PLXNA4: variants seen among roughly 807,000 people sequenced by gnomAD.
PLXNA4 encodes plexin A4, also known as plexin-A4.
A neutral mutation model predicts 191.8 loss-of-function variants in PLXNA4; 44 were observed. The observed-to-expected ratio is 0.23, with a 90% CI of 0.18 to 0.29. The LOEUF is 0.29. Among genes scored for constraint, PLXNA4 ranks in the 10% least tolerant of loss-of-function variants. The pLI, the probability that PLXNA4 is intolerant of heterozygous loss-of-function variation, is 1.00. For synonymous variants in PLXNA4, 1,082 were observed against 1,009.5 expected, an observed-to-expected ratio of 1.07 and a Z score of -1.36; for missense variants, 1,800 against 2,488.8, an observed-to-expected ratio of 0.72 and a Z score of 5.89.
chr7:132,207,174 T>G (rs909756602), intron 10 of PLXNA4, among the ~76,000 whole-genome samples: 4 of 152,194 alleles, frequency 2.6e-5, no homozygotes, highest in African/African-American at 9.7e-5. Flanking sequence ...TGTGTCCATC[T>G]CTAGTCCAGA....
At chr7:132,489,838 G>T (rs1169716406) in intron 2 of PLXNA4, among the ~76,000 whole-genome samples, 1 of 152,222 alleles carries the variant, frequency 6.6e-6, no homozygotes, top group Non-Finnish European at 1.5e-5. Context: ...GGTCAGCCCA[G>T]ATGAGCAGGG....
chr7:132,225,937 C>A (rs938791618), intron 8 of PLXNA4, among the ~76,000 whole-genome samples: 2 of 152,158 alleles, frequency 1.3e-5, no homozygotes, highest in Non-Finnish European at 2.9e-5. Context: ...CTCTTCTAGT[C>A]TCTTTCCATT....
chr7:132,521,431 T>C (rs1799179199), intron 1 of PLXNA4, among the ~76,000 whole-genome samples: 1 of 152,186 alleles, frequency 6.6e-6, no homozygotes, highest in Admixed American at 6.5e-5. Flanking sequence ...TTGGTCCCAC[T>C]CATTCCTTAC....
chr7:132,488,538 G>A (rs1048207049), intron 3 of PLXNA4, among the ~76,000 whole-genome samples: 2 of 152,154 alleles, frequency 1.3e-5, no homozygotes, highest in Admixed American at 1.3e-4. Context: ...AGGACCTCCT[G>A]CCTACCACCT....
At chr7:132,186,164 G>C (rs1343613009) in intron 15 of PLXNA4, among the ~76,000 whole-genome samples, 1 of 152,150 alleles carries the variant, frequency 6.6e-6, no homozygotes, top group Non-Finnish European at 1.5e-5. Context: ...ACATTGCCTA[G>C]AGTCCTTCAC....
In PLXNA4 at chr7:132,450,768, TTCTC is replaced by T. The variant is rs565251745; in HGVS notation, c.1371+38520_1371+38523del. Among the ~76,000 whole-genome samples the T allele has an allele frequency of 2.2e-3, 330 of 152,288 alleles. 1 individual carries two copies. The highest frequency in any genetic ancestry group is 7.4e-3 in the African/African-American group (307 of 41,550). On this transcript the variant is annotated intron_variant, in intron 3 of 31. Transcript: ENST00000321063. ...CCTTAGTGGGCCTCTTCAGCCCTCTTTCTCTCTGAGATTCTGGAGTATTTCTGTA... is the reference window on the plus strand; with the variant it reads ...CCTTAGTGGGCCTCTTCAGCCCTCTTTCTGAGATTCTGGAGTATTTCTGTA...
Position 132,168,477 on chromosome 7 carries a change from C to A in PLXNA4, c.4113G>T (p.Thr1371=). 2 of 1,613,846 alleles carry A rather than the reference C, an allele frequency of 1.2e-6. No homozygotes were observed. Among genetic ancestry groups the A allele is most frequent in the East Asian group, 2.2e-5 (1 of 44,856 alleles). The change falls in exon 22 of 32, where the codon ACG becomes ACT. Residue 1371 remains threonine (T), a synonymous_variant. Transcript: ENST00000321063. The part of the protein sequence containing the change: ...NKVFLLSFIR[T]LESQRSFSMR... ...TGGAGAAGCTACGCTGGGACTCAAG[C>A]GTGCGGATGAAGGACAGCAGGAACA...
intron 2 of PLXNA4, among the ~76,000 whole-genome samples, chr7:132,603,553 T>C (rs1802861140): frequency 6.6e-6 from 1 of 152,212 alleles, no homozygotes; most frequent in Non-Finnish European, 1.5e-5. Context: ...ACCAGCTTTT[T>C]TGACCACCTG....
At chr7:132,264,459 T>C (rs1239534827) in intron 4 of PLXNA4, among the ~76,000 whole-genome samples, 1 of 151,118 alleles carries the variant, frequency 6.6e-6, no homozygotes, top group Non-Finnish European at 1.5e-5. Flanking sequence ...ACCTCACTCT[T>C]TTTTTTTCTG....
chr7:132,299,970 G>T (rs976818895), intron 3 of PLXNA4, among the ~76,000 whole-genome samples: 2 of 152,180 alleles, frequency 1.3e-5, no homozygotes, highest in East Asian at 1.9e-4. Context: ...ACCAGGGCAG[G>T]TCAAACACAG....
chr7:132,331,153 A>AATT (rs1235900551), intron 3 of PLXNA4, among the ~76,000 whole-genome samples: 2 of 152,228 alleles, frequency 1.3e-5, no homozygotes, highest in African/African-American at 4.8e-5. Flanking sequence ...TAACAGCAGG[A>AATT]ATTAATACAA....
chr7:132,640,393 A>T (rs191014797), intron 2 of PLXNA4, among the ~76,000 whole-genome samples: 2 of 152,346 alleles, frequency 1.3e-5, no homozygotes, highest in East Asian at 3.9e-4. Context: ...TTGAGGCCCT[A>T]AGCCCAATGT....
intron 1 of PLXNA4, among the ~76,000 whole-genome samples, chr7:132,541,921 T>C (rs1250098470): frequency 6.6e-6 from 1 of 152,216 alleles, no homozygotes; most frequent in Non-Finnish European, 1.5e-5. Flanking sequence ...ACACCTACTA[T>C]GCATGAGTAA....
At chr7:132,438,768 TG>T (rs1795574337) in intron 3 of PLXNA4, among the ~76,000 whole-genome samples, 1 of 152,222 alleles carries the variant, frequency 6.6e-6, no homozygotes, top group Non-Finnish European at 1.5e-5. Flanking sequence ...TGCTTAATAT[TG>T]ACAATTCTGT....
At chr7:132,275,930 A>G (rs1223187852) in intron 4 of PLXNA4, among the ~76,000 whole-genome samples, 1 of 152,056 alleles carries the variant, frequency 6.6e-6, no homozygotes, top group Non-Finnish European at 1.5e-5. Flanking sequence ...CTCTGTCTAG[A>G]GTGTTCTCCT....
At chr7:132,268,707 G>A (rs1799946878) in intron 4 of PLXNA4, among the ~76,000 whole-genome samples, 1 of 152,212 alleles carries the variant, frequency 6.6e-6, no homozygotes, top group Non-Finnish European at 1.5e-5. Context: ...CCTCCAGGAG[G>A]AGGAAGGCTG....
chr7:132,130,618 C>T, intron 31 of PLXNA4, 44 bp from the exon 32 acceptor site: 1 of 1,613,308 alleles, frequency 6.2e-7, no homozygotes, highest in Non-Finnish European at 8.5e-7. Flanking sequence ...TTTGTGTGTA[C>T]AGGTCTGTGT....
chr7:132,180,818 C>A, intron 18 of PLXNA4, 86 bp from the exon 19 acceptor site: 1 of 1,544,754 alleles, frequency 6.5e-7, no homozygotes, highest in Non-Finnish European at 8.8e-7. Flanking sequence ...ACCTGGAGGT[C>A]CCATCCCGCT....
At chr7:132,178,202 T>G (rs952079603) in intron 20 of PLXNA4, among the ~76,000 whole-genome samples, 1 of 152,152 alleles carries the variant, frequency 6.6e-6, no homozygotes, top group African/African-American at 2.4e-5. Context: ...AGCTGGAGAT[T>G]GCTGAAATGC....
Sources: allele counts gnomAD v4.1 joint callset (sites outside exome capture counted in the v4.1 genomes callset), GRCh38; gene constraint gnomAD v4.1.1; transcripts MANE v1.5; gene names NCBI Gene and HGNC (gene_info 2026-07-23, HGNC 2026-07-21).